TPBGL: variants seen among roughly 807,000 people sequenced by gnomAD.
The protein encoded by TPBGL is trophoblast glycoprotein-like.
For synonymous variants in TPBGL, 380 were observed against 314.8 expected, an observed-to-expected ratio of 1.21 and a Z score of -2.19; for missense variants, 685 against 609.4, an observed-to-expected ratio of 1.12 and a Z score of -1.31.
Position 75,241,692 on chromosome 11 carries a change from C to G in TPBGL, c.643C>G (p.Leu215Val). 4 of 1,270,394 alleles carry G rather than the reference C, an allele frequency of 3.1e-6. No individual in the cohort carries two copies. Among genetic ancestry groups the G allele is most frequent in the Non-Finnish European group, 4.0e-6 (4 of 1,006,290 alleles). The allele number at this position is 1,270,394 out of a possible 1,614,324, so 78.7% of individuals were successfully genotyped here. ...NALAGLDPDE[L>V]RALERDGGLP... The stretch of plus-strand genomic sequence containing the variant: ...GCTGGCCGGCCTGGACCCCGACGAG[C>G]TGCGCGCGCTGGAGCGCGATGGCGG... Residue 215 changes from leucine to valine, a missense_variant, in exon 1 of 1, where the codon CTG becomes GTG. Physicochemically the swap from Leu to Val is conservative, Grantham distance 32. Coordinates refer to ENST00000562197, the MANE Select transcript of TPBGL (RefSeq NM_001195528.2).
At position 75,241,644 on chromosome 11, in the gene TPBGL, C is replaced by T; in HGVS notation, c.595C>T (p.Gln199Ter). 7.6e-7 allele frequency: 1 copy of T among 1,312,864 alleles called. No homozygotes were observed. 81.3% of individuals were successfully genotyped at this position (1,312,864 alleles called of 1,614,324 possible). A position where few individuals can be genotyped will look rare whatever the true frequency, so the allele number is the denominator to read the frequency against. ...PAALRLARLE[Q>*]LDVRLNALAG... is the part of the protein sequence containing the mutation. Reference sequence around the variant, plus strand: ...CGCCCTGCGCCTGGCGCGCCTGGAGCAGCTGGACGTGCGCCTCAACGCGCT... The same window carrying T: ...CGCCCTGCGCCTGGCGCGCCTGGAGTAGCTGGACGTGCGCCTCAACGCGCT... Residue 199 changes from glutamine (Q) to a stop codon, truncating the protein, a stop_gained, in exon 1 of 1, where the codon CAG becomes TAG. Transcript: ENST00000562197. LOFTEE classifies it low-confidence loss of function (END_TRUNC).
chr11:75,241,672 C>T lies in TPBGL; in HGVS notation c.623C>T (p.Ala208Val). The T allele has an allele frequency of 7.7e-7, 1 of 1,292,136 alleles. No homozygotes were observed. Among genetic ancestry groups the T allele is most frequent in the South Asian group, 1.8e-5 (1 of 55,976 alleles). 80.0% of individuals were successfully genotyped at this position (1,292,136 alleles called of 1,614,324 possible). A position where few individuals can be genotyped will look rare whatever the true frequency, so the allele number is the denominator to read the frequency against. The stretch of plus-strand genomic sequence containing the variant: ...CTGGACGTGCGCCTCAACGCGCTGG[C>T]CGGCCTGGACCCCGACGAGCTGCGC... ...EQLDVRLNAL[A>V]GLDPDELRAL... Residue 208 changes from alanine (A) to valine (V), a missense_variant, in exon 1 of 1, where the codon GCC becomes GTC. Ala to Val is a moderately conservative substitution (Grantham distance 64). Coordinates refer to ENST00000562197, the MANE Select transcript of TPBGL (RefSeq NM_001195528.2).
chr11:75,242,261 C>G lies in TPBGL; in HGVS notation c.*63C>G, dbSNP rs574960027. 12 of 1,072,784 alleles carry G rather than the reference C, an allele frequency of 1.1e-5. No individual in the cohort carries two copies. In the South Asian group the frequency reaches 4.4e-4, roughly 39 times the overall value. 66.5% of individuals were successfully genotyped at this position (1,072,784 alleles called of 1,614,324 possible). A position where few individuals can be genotyped will look rare whatever the true frequency, so the allele number is the denominator to read the frequency against. On this transcript the variant is annotated 3_prime_UTR_variant, in exon 1 of 1. Coordinates refer to ENST00000562197, the MANE Select transcript of TPBGL (RefSeq NM_001195528.2). ...CGAAGCCGTGGAGATGAGACACCCGCGAGCCCCGAGCTCTGAGACCTTCCC... is the reference window on the plus strand; with the variant it reads ...CGAAGCCGTGGAGATGAGACACCCGGGAGCCCCGAGCTCTGAGACCTTCCC...
chr11:75,241,778 C>T lies in TPBGL; in HGVS notation c.729C>T (p.Arg243=), dbSNP rs1396346400. Residue 243 remains arginine (R), a synonymous_variant, in exon 1 of 1, where the codon CGC becomes CGT. Transcript: ENST00000562197. Reference sequence around the variant, plus strand: ...CCCTGCGCTGCGGCTGTGCCGCACGCCCCCTGCTGGCCTGGCTGCGCAACG... The same window carrying T: ...CCCTGCGCTGCGGCTGTGCCGCACGTCCCCTGCTGGCCTGGCTGCGCAACG... The part of the protein sequence containing the change: ...DNPLRCGCAA[R]PLLAWLRNAT... 1.5e-6 allele frequency: 2 copies of T among 1,317,050 alleles called. No individual in the cohort carries two copies. The highest frequency in any genetic ancestry group is 1.6e-5 in the African/African-American group (1 of 63,752). The allele number at this position is 1,317,050 out of a possible 1,614,324, so 81.6% of individuals were successfully genotyped here. A position where few individuals can be genotyped will look rare whatever the true frequency, so the allele number is the denominator to read the frequency against.
chr11:75,241,449 G>T lies in TPBGL; in HGVS notation c.400G>T (p.Gly134Cys). Reference sequence around the variant, plus strand: ...CAGCCACAACCCGCTGCGCGCCCTGGGCGGCGGCGCCTTCCGCGGGCTGCC... The same window carrying T: ...CAGCCACAACCCGCTGCGCGCCCTGTGCGGCGGCGCCTTCCGCGGGCTGCC... ...DLSHNPLRAL[G>C]GGAFRGLPAL... The change falls in exon 1 of 1, where the codon GGC becomes TGC. Residue 134 changes from glycine (G) to cysteine (C), a missense_variant. Physicochemically the swap from Gly to Cys is radical, Grantham distance 159. Coordinates refer to ENST00000562197, the MANE Select transcript of TPBGL (RefSeq NM_001195528.2). 7.8e-7 allele frequency: 1 copy of T among 1,279,304 alleles called. No individual in the cohort carries two copies. The highest frequency in any genetic ancestry group is 1.6e-5 in the African/African-American group (1 of 63,832). 79.2% of individuals were successfully genotyped at this position (1,279,304 alleles called of 1,614,324 possible). A position where few individuals can be genotyped will look rare whatever the true frequency, so the allele number is the denominator to read the frequency against.
At position 75,242,777 on chromosome 11, in the gene TPBGL, C is replaced by G. The variant is rs1282315392; in HGVS notation, c.*579C>G. 2.0e-5 allele frequency: 3 copies of G among 150,202 alleles called. No individual in the cohort carries two copies. In the South Asian group the frequency reaches 6.4e-4, roughly 32 times the overall value. The allele number at this position is 150,202 out of a possible 1,614,324, so 9.3% of individuals were successfully genotyped here. On this transcript the variant is annotated 3_prime_UTR_variant, in exon 1 of 1. Transcript: ENST00000562197. ...ATTTCATACCCCTGCCCCCCCTTCA[C>G]CCACCCCCGCCTCTGGCTCAGGCCC...
In TPBGL at chr11:75,242,136, C is replaced by T. The variant is rs1003725741; in HGVS notation, c.1087C>T (p.Arg363Cys). ...CTACGAGCAGGACGCCGACCCGCGC[C>T]GCGCGCCCGCGCCCGCCGCGCCCGC... is the stretch of plus-strand genomic sequence containing the variant. ...YRYEQDADPR[R>C]APAPAAPAGS... The change falls in exon 1 of 1, where the codon CGC (arginine) becomes TGC (cysteine). Residue 363 changes from arginine to cysteine, a missense_variant. Coordinates refer to ENST00000562197, the MANE Select transcript of TPBGL (RefSeq NM_001195528.2). 25 of 1,219,462 alleles carry T rather than the reference C, an allele frequency of 2.1e-5. No individual in the cohort carries two copies. Among genetic ancestry groups the T allele is most frequent in the Non-Finnish European group, 2.3e-5 (23 of 981,782 alleles). 75.5% of individuals were successfully genotyped at this position (1,219,462 alleles called of 1,614,324 possible).
chr11:75,241,427 CCA>C lies in TPBGL; in HGVS notation c.381_382del (p.His127GlnfsTer287). The part of the protein sequence containing the change: ...LPSLAALDLS[H>X]NPLRALGGGA... Reference sequence around the variant, plus strand: ...CCAGCCTGGCGGCGCTCGACCTCAGCCACAACCCGCTGCGCGCCCTGGGCGGC... The same window carrying C: ...CCAGCCTGGCGGCGCTCGACCTCAGCCAACCCGCTGCGCGCCCTGGGCGGC... On this transcript the variant is annotated frameshift_variant, in exon 1 of 1. Transcript: ENST00000562197. LOFTEE classifies it low-confidence loss of function (END_TRUNC). The C allele has an allele frequency of 7.6e-7, 1 of 1,316,166 alleles. No homozygotes were observed. Among genetic ancestry groups the C allele is most frequent in the South Asian group, 2.0e-5 (1 of 51,140 alleles). 81.5% of individuals were successfully genotyped at this position (1,316,166 alleles called of 1,614,324 possible). A position where few individuals can be genotyped will look rare whatever the true frequency, so the allele number is the denominator to read the frequency against.
chr11:75,241,929 G>A lies in TPBGL; in HGVS notation c.880G>A (p.Gly294Arg). Reference sequence around the variant, plus strand: ...CGCGGACAGCGGCGCCGACGCTCGCGGAGAGGAGGCGGAGGCCGCCGGCCC... The same window carrying A: ...CGCGGACAGCGGCGCCGACGCTCGCAGAGAGGAGGCGGAGGCCGCCGGCCC... ...RCADSGADAR[G>R]EEAEAAGPEL... The change falls in exon 1 of 1, where the codon GGA (glycine) becomes AGA (arginine). Residue 294 changes from glycine (G) to arginine (R), a missense_variant. Gly to Arg is a moderately radical substitution (Grantham distance 125). Coordinates refer to ENST00000562197, the MANE Select transcript of TPBGL (RefSeq NM_001195528.2). 2 of 1,483,218 alleles carry A rather than the reference G, an allele frequency of 1.3e-6. No homozygotes were observed. Among genetic ancestry groups the A allele is most frequent in the South Asian group, 1.2e-5 (1 of 80,250 alleles). 91.9% of individuals were successfully genotyped at this position (1,483,218 alleles called of 1,614,324 possible). A position where few individuals can be genotyped will look rare whatever the true frequency, so the allele number is the denominator to read the frequency against.
Position 75,241,285 on chromosome 11 carries a change from CCGGCGGGGACGGGGACGGCGACCAGG to C in TPBGL, c.244_269del (p.Asp82ArgfsTer324). ...ACGGTGCTGCGCGCGGCCGCCTTCG[CCGGCGGGGACGGGGACGGCGACCAGG>C]CGGCGGGCGTGCGCCTGCCGCTCCT... On this transcript the variant is annotated frameshift_variant, in exon 1 of 1. Coordinates refer to ENST00000562197, the MANE Select transcript of TPBGL (RefSeq NM_001195528.2). LOFTEE classifies it low-confidence loss of function (END_TRUNC). 4 of 1,347,572 alleles carry C rather than the reference CCGGCGGGGACGGGGACGGCGACCAGG, an allele frequency of 3.0e-6. No individual in the cohort carries two copies. The allele number at this position is 1,347,572 out of a possible 1,614,324, so 83.5% of individuals were successfully genotyped here. A position where few individuals can be genotyped will look rare whatever the true frequency, so the allele number is the denominator to read the frequency against.
At position 75,241,831 on chromosome 11, in the gene TPBGL, G is replaced by T; in HGVS notation, c.782G>T (p.Arg261Leu). The T allele has an allele frequency of 1.6e-6, 2 of 1,283,952 alleles. No individual in the cohort carries two copies. The highest frequency in any genetic ancestry group is 2.0e-6 in the Non-Finnish European group (2 of 1,021,032). 79.5% of individuals were successfully genotyped at this position (1,283,952 alleles called of 1,614,324 possible). A position where few individuals can be genotyped will look rare whatever the true frequency, so the allele number is the denominator to read the frequency against. ...ACGGAGCGCGTGCCCGACTCGCGGCGCCTGCGCTGCGCCGCCCCGCGGGCG... is the reference window on the plus strand; with the variant it reads ...ACGGAGCGCGTGCCCGACTCGCGGCTCCTGCGCTGCGCCGCCCCGCGGGCG... Reference protein sequence around the residue: ...NATERVPDSRRLRCAAPRALL... With the variant: ...NATERVPDSRLLRCAAPRALL... Residue 261 changes from arginine to leucine, a missense_variant, in exon 1 of 1, where the codon CGC becomes CTC. Transcript: ENST00000562197.
chr11:75,241,082 G>T lies in TPBGL; in HGVS notation c.33G>T (p.Gln11His). The change falls in exon 1 of 1, where the codon CAG becomes CAT. Residue 11 changes from glutamine (Q) to histidine (H), a missense_variant. Coordinates refer to ENST00000562197, the MANE Select transcript of TPBGL (RefSeq NM_001195528.2). MAPRAGQPGL[Q>H]GLLLVAAALS... ...CGCGCGCGGGACAGCCGGGGCTCCA[G>T]GGGCTGCTGCTCGTGGCGGCGGCGC... 4 of 1,328,754 alleles carry T rather than the reference G, an allele frequency of 3.0e-6. No homozygotes were observed. The highest frequency in any genetic ancestry group is 3.8e-6 in the Non-Finnish European group (4 of 1,039,934). The allele number at this position is 1,328,754 out of a possible 1,614,324, so 82.3% of individuals were successfully genotyped here.
Position 75,242,381 on chromosome 11 carries a change from C to A in TPBGL, c.*183C>A. On this transcript the variant is annotated 3_prime_UTR_variant, in exon 1 of 1. Coordinates refer to ENST00000562197, the MANE Select transcript of TPBGL (RefSeq NM_001195528.2). ...AGATAGCCGGTCCGAATCCAGAAAC[C>A]CCGCCTGCCCACCCTAGTTTCCGAA... 1.3e-6 allele frequency: 1 copy of A among 741,110 alleles called. No homozygotes were observed. Among genetic ancestry groups the A allele is most frequent in the Non-Finnish European group, 1.7e-6 (1 of 597,456 alleles). The allele number at this position is 741,110 out of a possible 1,614,324, so 45.9% of individuals were successfully genotyped here.
chr11:75,243,318 C>G lies in TPBGL; in HGVS notation c.*1120C>G, dbSNP rs1303107813. On this transcript the variant is annotated 3_prime_UTR_variant, in exon 1 of 1. Transcript: ENST00000562197. ...TGCTGCCCTTCGATTTCTCTATGCT[C>G]TCTCCCACCCCTGTGGCTCTTCGCC... The G allele has an allele frequency of 6.6e-6, 1 of 152,214 alleles. No individual in the cohort carries two copies. The highest frequency in any genetic ancestry group is 1.5e-5 in the Non-Finnish European group (1 of 68,102). The allele number at this position is 152,214 out of a possible 1,614,324, so 9.4% of individuals were successfully genotyped here. A position where few individuals can be genotyped will look rare whatever the true frequency, so the allele number is the denominator to read the frequency against.
chr11:75,241,751 C>G lies in TPBGL; in HGVS notation c.702C>G (p.Asn234Lys). ...LPGPRLLLAD[N>K]PLRCGCAARP... is the part of the protein sequence containing the mutation. ...GGCCGCGCCTGCTGCTCGCCGACAACCCCCTGCGCTGCGGCTGTGCCGCAC... is the reference window on the plus strand; with the variant it reads ...GGCCGCGCCTGCTGCTCGCCGACAAGCCCCTGCGCTGCGGCTGTGCCGCAC... The change falls in exon 1 of 1, where the codon AAC (asparagine) becomes AAG (lysine). Residue 234 changes from asparagine (N) to lysine (K), a missense_variant. Physicochemically the swap from Asn to Lys is moderately conservative, Grantham distance 94. Transcript: ENST00000562197. The G allele has an allele frequency of 7.7e-7, 1 of 1,299,280 alleles. No homozygotes were observed. The highest frequency in any genetic ancestry group is 1.9e-5 in the South Asian group (1 of 53,732). The allele number at this position is 1,299,280 out of a possible 1,614,324, so 80.5% of individuals were successfully genotyped here. A position where few individuals can be genotyped will look rare whatever the true frequency, so the allele number is the denominator to read the frequency against.
Position 75,241,133 on chromosome 11 carries a change from C to A in TPBGL, c.84C>A (p.Pro28=), listed in dbSNP as rs1301075413. 2 of 1,441,968 alleles carry A rather than the reference C, an allele frequency of 1.4e-6. No homozygotes were observed. Among genetic ancestry groups the A allele is most frequent in the Non-Finnish European group, 1.8e-6 (2 of 1,098,430 alleles). The allele number at this position is 1,441,968 out of a possible 1,614,324, so 89.3% of individuals were successfully genotyped here. Residue 28 remains proline, a synonymous_variant, in exon 1 of 1, where the codon CCC becomes CCA. Transcript: ENST00000562197. The stretch of plus-strand genomic sequence containing the variant: ...TGAGCCAGCCCGCGGCACCCTGCCC[C>A]TTCCAGTGCTACTGCTTCGGCGGCC... ...AALSQPAAPC[P]FQCYCFGGPK...
At position 75,243,327 on chromosome 11, in the gene TPBGL, C is replaced by G. The variant is rs1945616238; in HGVS notation, c.*1129C>G. 6.6e-6 allele frequency: 1 copy of G among 152,354 alleles called. No individual in the cohort carries two copies. The highest frequency in any genetic ancestry group is 1.5e-5 in the Non-Finnish European group (1 of 68,108). 9.4% of individuals were successfully genotyped at this position (152,354 alleles called of 1,614,324 possible). ...TCGATTTCTCTATGCTCTCTCCCACCCCTGTGGCTCTTCGCCCTTGGGGAT... is the reference window on the plus strand; with the variant it reads ...TCGATTTCTCTATGCTCTCTCCCACGCCTGTGGCTCTTCGCCCTTGGGGAT... On this transcript the variant is annotated 3_prime_UTR_variant, in exon 1 of 1. Coordinates refer to ENST00000562197, the MANE Select transcript of TPBGL (RefSeq NM_001195528.2).
Position 75,241,194 on chromosome 11 carries a change from C to A in TPBGL, c.145C>A (p.Leu49Ile). Residue 49 changes from leucine (L) to isoleucine (I), a missense_variant, in exon 1 of 1, where the codon CTC becomes ATC. By Grantham distance (5) the Leu-to-Ile change is conservative. Coordinates refer to ENST00000562197, the MANE Select transcript of TPBGL (RefSeq NM_001195528.2). ...GCTGCGCTGCGCGTCGGGAGCCGAG[C>A]TCCGCCAGCCTCCGCGGGACGTGCC... ...LLLRCASGAE[L>I]RQPPRDVPPD... The A allele has an allele frequency of 6.9e-7, 1 of 1,448,514 alleles. No homozygotes were observed. Among genetic ancestry groups the A allele is most frequent in the African/African-American group, 1.5e-5 (1 of 67,650 alleles). 89.7% of individuals were successfully genotyped at this position (1,448,514 alleles called of 1,614,324 possible).
Position 75,241,062 on chromosome 11 carries a change from G to A in TPBGL, c.13G>A (p.Ala5Thr), listed in dbSNP as rs1259163679. The A allele has an allele frequency of 3.2e-6, 4 of 1,247,912 alleles. No homozygotes were observed. Among genetic ancestry groups the A allele is most frequent in the South Asian group, 6.2e-5 (2 of 32,352 alleles). 77.3% of individuals were successfully genotyped at this position (1,247,912 alleles called of 1,614,324 possible). A position where few individuals can be genotyped will look rare whatever the true frequency, so the allele number is the denominator to read the frequency against. The part of the protein sequence containing the change: MAPR[A>T]GQPGLQGLLL... ...GGGGGCGGCCGCGATGGCCCCGCGC[G>A]CGGGACAGCCGGGGCTCCAGGGGCT... Residue 5 changes from alanine to threonine, a missense_variant, in exon 1 of 1, where the codon GCG (alanine) becomes ACG (threonine). Transcript: ENST00000562197.
Sources: allele counts gnomAD v4.1 joint callset, GRCh38; gene constraint gnomAD v4.1.1; transcripts MANE v1.5; gene names NCBI Gene and HGNC (gene_info 2026-07-23, HGNC 2026-07-21).